The following NPAS2 variants were observed in gnomAD, a reference collection of about 807,000 sequenced individuals.
NPAS2 encodes neuronal PAS domain-containing protein 2.
In NPAS2, 23 loss-of-function variants were observed where a neutral mutation model predicts 107.5. The observed-to-expected ratio is 0.21, with a 90% CI of 0.15 to 0.30. The LOEUF (loss-of-function observed/expected upper bound fraction) is 0.30, where lower values mean the gene tolerates loss of function less well. Ranked by LOEUF, NPAS2 falls within the 10% of genes least tolerant of loss-of-function variation. The pLI is 1.00. For missense variants in NPAS2, 756 were observed against 1,043.3 expected (o/e 0.72, Z 3.79); for synonymous variants, 403 against 417.5 (o/e 0.97, Z 0.42).
intron 1 of NPAS2, among the ~76,000 whole-genome samples, chr2:100,883,668 C>A (rs1426819005): frequency 6.6e-6 from 1 of 152,156 alleles, no homozygotes; most frequent in African/African-American, 2.4e-5. Context: ...ACCTGTACAG[C>A]CACCTGTGCA....
intron 1 of NPAS2, chr2:100,878,682 T>C: frequency 1.1e-6 from 1 of 917,874 alleles, no homozygotes. Context: ...TTTGGTGGCA[T>C]TGATTTTGTA....
At chr2:100,824,964 G>A (rs1431463403) in intron 1 of NPAS2, among the ~76,000 whole-genome samples, 2 of 152,182 alleles carry the variant, frequency 1.3e-5, no homozygotes, top group African/African-American at 4.8e-5. Context: ...GAGAGGGAAA[G>A]GAAGGCATCG....
Position 100,855,086 on chromosome 2 carries a change from T to G in NPAS2, c.-23+34672T>G, listed in dbSNP as rs575263828. Among the ~76,000 whole-genome samples, 5 of 152,360 alleles carry G rather than the reference T, an allele frequency of 3.3e-5. No individual in the cohort carries two copies. In the East Asian group the frequency reaches 9.6e-4, roughly 29 times the overall value. On this transcript the variant is annotated intron_variant, in intron 1 of 20. Transcript: ENST00000335681. ...ATACTCACCCATATAGCTTTACTTG[T>G]AAAAATGTGGCTTGTAGGCATTTGA...
At position 100,990,782 on chromosome 2, in the gene NPAS2, T is replaced by A; in HGVS notation, c.2021T>A (p.Leu674Gln). Residue 674 changes from leucine to glutamine, a missense_variant and splice_region_variant, in exon 19 of 21, where the codon CTG (leucine) becomes CAG (glutamine). Around this residue, in one of 4 missense-constraint regions of NPAS2, gnomAD observed 496 missense variants for 594.4 expected, o/e 0.83. Coordinates refer to ENST00000335681, the MANE Select transcript of NPAS2 (RefSeq NM_002518.4). ...TATTTCCCCACCTCTGCTTAAAGGC[T>A]GTTGCTGAGCCAGCCCATCCAGCCC... ...PDFSHDRQLRLLLSQPIQPMM... is the reference protein window; with the variant it reads ...PDFSHDRQLRQLLSQPIQPMM... The A allele has an allele frequency of 1.2e-6, 2 of 1,614,094 alleles. No homozygotes were observed. The highest frequency in any genetic ancestry group is 1.7e-6 in the Non-Finnish European group (2 of 1,179,942).
intron 5 of NPAS2, 115 bp from the exon 6 acceptor site, chr2:100,948,120 G>C (rs1675013334): frequency 4.3e-6 from 5 of 1,176,412 alleles, no homozygotes; most frequent in Admixed American, 2.2e-5. Flanking sequence ...ATCAGATATT[G>C]AACTTTCCAT....
chr2:100,919,023 G>C (rs1198555016), intron 2 of NPAS2, among the ~76,000 whole-genome samples: 2 of 152,194 alleles, frequency 1.3e-5, no homozygotes, highest in African/African-American at 4.8e-5. Context: ...TAAACCGGCT[G>C]TGGAACACCC....
intron 5 of NPAS2, among the ~76,000 whole-genome samples, chr2:100,946,293 T>C (rs986362148): frequency 2.1e-5 from 3 of 141,406 alleles, no homozygotes; most frequent in Non-Finnish European, 3.2e-5. Context: ...CCTTGCCATG[T>C]CACCTGATGT....
At position 100,821,562 on chromosome 2, in the gene NPAS2, G is replaced by T. The variant is rs374774006; in HGVS notation, c.-23+1148G>T. 1.4e-4 allele frequency among the ~76,000 whole-genome samples: 21 copies of T among 152,212 alleles called. 1 individual carries two copies. The highest frequency in any genetic ancestry group is 5.1e-4 in the African/African-American group (21 of 41,442). ...AACCCAAACCTTATTTTCCTTAATAGAAAGGTTTTTCCTGTTTGAACTTCC... is the reference window on the plus strand; with the variant it reads ...AACCCAAACCTTATTTTCCTTAATATAAAGGTTTTTCCTGTTTGAACTTCC... On this transcript the variant is annotated intron_variant, in intron 1 of 20. Transcript: ENST00000335681.
At chr2:100,901,504 G>A (rs1431285936) in intron 1 of NPAS2, 1 of 985,148 alleles carries the variant, frequency 1.0e-6, no homozygotes, top group African/African-American at 1.7e-5. Flanking sequence ...CCAGAGAGAT[G>A]AATGTTACCG....
chr2:100,970,871 C>G (rs1167701139), intron 11 of NPAS2, 119 bp from the exon 12 acceptor site: 2 of 770,770 alleles, frequency 2.6e-6, no homozygotes, highest in Non-Finnish European at 4.3e-6. Flanking sequence ...TCTGTGTTGA[C>G]TGTTGTGGGG....
In NPAS2 at chr2:100,977,788, C is replaced by G. The variant is rs139882603; in HGVS notation, c.1471C>G (p.Pro491Ala). The stretch of plus-strand genomic sequence containing the variant: ...GACCGTTCTGCAGAGCACGCCCGCT[C>G]CCATGGCACAGGTGAGTCTGGGACC... The part of the protein sequence containing the change: ...PQTVLQSTPA[P>A]MAQFSAQFSM... The change falls in exon 15 of 21, where the codon CCC becomes GCC. Residue 491 changes from proline (P) to alanine (A), a missense_variant. Pro to Ala is a conservative substitution (Grantham distance 27, BLOSUM62 -1). Coordinates refer to ENST00000335681, the MANE Select transcript of NPAS2 (RefSeq NM_002518.4). 1 of 1,614,012 alleles carries G rather than the reference C, an allele frequency of 6.2e-7. No individual in the cohort carries two copies. The highest frequency in any genetic ancestry group is 1.3e-5 in the African/African-American group (1 of 75,062).
chr2:100,880,427 A>G (rs936057740), intron 1 of NPAS2, among the ~76,000 whole-genome samples: 3 of 152,242 alleles, frequency 2.0e-5, no homozygotes, highest in Non-Finnish European at 4.4e-5. Context: ...CCATATGTAT[A>G]TATATAGGAA....
chr2:100,967,744 G>T (rs545293346), intron 10 of NPAS2, among the ~76,000 whole-genome samples: 3 of 152,096 alleles, frequency 2.0e-5, no homozygotes, highest in East Asian at 1.9e-4. Flanking sequence ...CATCACTATG[G>T]GGGGGCTGCA....
At chr2:100,839,526 CTTAGT>C (rs1289066790) in intron 1 of NPAS2, among the ~76,000 whole-genome samples, 1 of 151,994 alleles carries the variant, frequency 6.6e-6, no homozygotes, top group African/African-American at 2.4e-5. Flanking sequence ...TTTTCTCTAG[CTTAGT>C]TTATTTTAAG....
rs1270564499 is a variant in NPAS2, at chr2:100,978,721, ACG to A, written c.1482+924_1482+925del. On this transcript the variant is annotated intron_variant, in intron 15 of 20. Coordinates refer to ENST00000335681, the MANE Select transcript of NPAS2 (RefSeq NM_002518.4). ...GGGAGAGACAGGCATGTAAACAGAG[ACG>A]CCGCCGTGGCAGGGCATGCGTTTTT... 3.3e-5 allele frequency among the ~76,000 whole-genome samples: 5 copies of A among 152,120 alleles called. No homozygotes were observed. In the East Asian group the frequency reaches 9.6e-4, roughly 29 times the overall value.
At chr2:100,948,191 A>C (rs749515099) in intron 5 of NPAS2, 44 bp from the exon 6 acceptor site, 1 of 1,593,052 alleles carries the variant, frequency 6.3e-7, no homozygotes, top group South Asian at 1.2e-5. Context: ...TCTGTTTTTC[A>C]TCTTCGTTGA....
chr2:100,830,687 C>T (rs1291136088), intron 1 of NPAS2, among the ~76,000 whole-genome samples: 1 of 152,164 alleles, frequency 6.6e-6, no homozygotes, highest in Non-Finnish European at 1.5e-5. Flanking sequence ...AGTATTTTCA[C>T]AAATAGTCCC....
intron 1 of NPAS2, among the ~76,000 whole-genome samples, chr2:100,900,031 C>T (rs979072532): frequency 1.4e-4 from 21 of 152,166 alleles, no homozygotes; most frequent in African/African-American, 3.6e-4. Flanking sequence ...TAATTCTTCA[C>T]GACATTGAGG....
At position 100,906,728 on chromosome 2, in the gene NPAS2, A is replaced by G. The variant is rs575646798; in HGVS notation, c.32+1942A>G. On this transcript the variant is annotated intron_variant, in intron 2 of 20. Coordinates refer to ENST00000335681, the MANE Select transcript of NPAS2 (RefSeq NM_002518.4). ...TCTTATTAGAAATGATGGAAAGAACAGCAGTGGTAGCCAGCATTCGCTGGG... is the reference window on the plus strand; with the variant it reads ...TCTTATTAGAAATGATGGAAAGAACGGCAGTGGTAGCCAGCATTCGCTGGG... Among the ~76,000 whole-genome samples the G allele has an allele frequency of 4.6e-5, 7 of 152,332 alleles. 1 individual carries two copies. In the South Asian group the frequency reaches 1.4e-3, roughly 32 times the overall value.
Sources: gnomAD v4.1 joint callset for allele counts (sites outside exome capture counted in the v4.1 genomes callset) on GRCh38, gnomAD v4.1.1 for gene constraint, gnomAD v4.1.1 regional missense constraint, MANE v1.5 for transcripts, NCBI Gene and HGNC (gene_info 2026-07-23, HGNC 2026-07-21) for gene names.